The following GAB3 variants were observed in gnomAD, a reference collection of about 807,000 sequenced individuals.
GAB3 encodes the protein GRB2 associated binding protein 3.
Under a neutral mutation model 40.4 loss-of-function variants are expected in GAB3, and 12 were observed. The ratio of observed to expected loss-of-function variants is 0.30; its 90% confidence interval spans 0.19 to 0.48. The LOEUF (loss-of-function observed/expected upper bound fraction) is 0.48, where lower values mean the gene tolerates loss of function less well. Among genes scored for constraint, GAB3 ranks in the 20% least tolerant of loss-of-function variants. GAB3 has a pLI of 0.99. For synonymous variants in GAB3, 154 were observed against 176.7 expected (o/e 0.87, Z 1.02); for missense variants, 381 against 461.9 (o/e 0.82, Z 1.61).
chrX:154,733,982 T>A (rs1392179374), intron 1 of GAB3, among the ~76,000 whole-genome samples: 1 of 112,462 alleles, frequency 8.9e-6, no homozygotes, highest in African/African-American at 3.2e-5. Flanking sequence ...TTGAAGAGTG[T>A]ACCTTTTTTT....
chrX:154,744,200 G>A (rs1172466224), intron 1 of GAB3, among the ~76,000 whole-genome samples: 3 of 71,991 alleles, frequency 4.2e-5, no homozygotes, highest in African/African-American at 1.9e-4. Flanking sequence ...GTGACAGAGT[G>A]AGATTCCATC....
chrX:154,751,294 GTGT>G (rs782722830), upstream of GAB3, among the ~76,000 whole-genome samples: 50 of 70,905 alleles, frequency 7.1e-4, no homozygotes, highest in South Asian at 1.2e-3. Flanking sequence ...CGGGGGGGGG[GTGT>G]GGGGGGGGGA....
chrX:154,742,024 A>G (rs1220962507), intron 1 of GAB3, among the ~76,000 whole-genome samples: 3 of 112,152 alleles, frequency 2.7e-5, no homozygotes, highest in African/African-American at 9.7e-5. Flanking sequence ...GCCAAACCAT[A>G]TCTCGTGGGT....
At chrX:154,678,352 G>A in intron 9 of GAB3, 58 bp from the exon 10 acceptor site, 1 of 623,872 alleles carries the variant, frequency 1.6e-6, no homozygotes, top group Non-Finnish European at 2.6e-6. Flanking sequence ...TCAGGAAAAT[G>A]TTTACCCTTT....
chrX:154,678,327 A>G, intron 9 of GAB3, 33 bp from the exon 10 acceptor site: 1 of 719,180 alleles, frequency 1.4e-6, no homozygotes, highest in East Asian at 3.2e-5. Context: ...TTTTCATTAC[A>G]TCTAACTTAA....
chrX:154,697,090 G>T lies in GAB3; in HGVS notation c.1427+42C>A, dbSNP rs782423851. 6.7e-6 allele frequency: 7 copies of T among 1,050,129 alleles called. No individual in the cohort carries two copies. In the South Asian group the frequency reaches 1.1e-4, roughly 17 times the overall value. The allele number at this position is 1,050,129 out of a possible 1,213,427, so 86.5% of individuals were successfully genotyped here. On this transcript the variant is annotated intron_variant, in intron 7 of 9. Coordinates refer to ENST00000424127, the MANE Select transcript of GAB3 (RefSeq NM_001081573.3). ...AATCAGAGGCCTAACACACACCGGG[G>T]TGTCTGTGCTGGATGAGGCTCTTTT...
At chrX:154,719,966 A>G (rs2071103174) in intron 1 of GAB3, among the ~76,000 whole-genome samples, 1 of 112,415 alleles carries the variant, frequency 8.9e-6, no homozygotes, top group African/African-American at 3.2e-5. Context: ...TGCTTTCATA[A>G]ATAGTCATAT....
intron 8 of GAB3, among the ~76,000 whole-genome samples, chrX:154,686,713 C>A (rs1557247849): frequency 1.8e-5 from 2 of 109,048 alleles, no homozygotes; most frequent in African/African-American, 6.7e-5. Context: ...ATTACAGGTG[C>A]GAGCCACTGA....
intron 1 of GAB3, among the ~76,000 whole-genome samples, chrX:154,747,156 C>T (rs781938084): frequency 8.9e-6 from 1 of 111,961 alleles, no homozygotes; most frequent in East Asian, 2.8e-4. Context: ...CAGGTGCCCA[C>T]CACCATGCCT....
chrX:154,685,314 G>T (rs781958746), intron 8 of GAB3, among the ~76,000 whole-genome samples: 7 of 111,041 alleles, frequency 6.3e-5, no homozygotes, highest in Non-Finnish European at 1.3e-4. Context: ...GGGGGTTGCT[G>T]TTTCTCAATA....
intron 4 of GAB3, among the ~76,000 whole-genome samples, chrX:154,707,964 A>T (rs1173196325): frequency 8.9e-6 from 1 of 112,153 alleles, no homozygotes; most frequent in Non-Finnish European, 1.9e-5. Flanking sequence ...TACACTAAAA[A>T]CTATAAAACA....
chrX:154,690,314 C>T (rs1186302560), intron 8 of GAB3, among the ~76,000 whole-genome samples: 1 of 112,079 alleles, frequency 8.9e-6, no homozygotes, highest in Non-Finnish European at 1.9e-5. Flanking sequence ...CATAAAAGCC[C>T]TAGAAGAAAA....
At chrX:154,680,328 A>T in intron 8 of GAB3, 80 bp from the exon 9 acceptor site, 1 of 626,646 alleles carries the variant, frequency 1.6e-6, no homozygotes, top group South Asian at 2.7e-5. Flanking sequence ...TTGTGGCTTC[A>T]CCCAAGCAGC....
chrX:154,743,124 T>G (rs2071470599), intron 1 of GAB3, among the ~76,000 whole-genome samples: 1 of 109,829 alleles, frequency 9.1e-6, no homozygotes, highest in Non-Finnish European at 1.9e-5. Flanking sequence ...TAATATTGGA[T>G]CAAGCTAAAT....
chrX:154,746,052 CAAAAAA>C (rs201582710), intron 1 of GAB3, among the ~76,000 whole-genome samples: 1 of 31,543 alleles, frequency 3.2e-5, no homozygotes, highest in Non-Finnish European at 6.1e-5. Flanking sequence ...AACTCCATCT[CAAAAAA>C]AAAAAAAAAA....
intron 1 of GAB3, among the ~76,000 whole-genome samples, chrX:154,737,743 C>T (rs782355446): frequency 8.9e-6 from 1 of 112,148 alleles, no homozygotes; most frequent in African/African-American, 3.2e-5. Flanking sequence ...CAGTGTAATC[C>T]CAGCACTTTG....
intron 8 of GAB3, among the ~76,000 whole-genome samples, chrX:154,693,136 C>T (rs1569557253): frequency 9.0e-6 from 1 of 111,283 alleles, no homozygotes; most frequent in Non-Finnish European, 1.9e-5. Context: ...TTGGATCCTA[C>T]AATATGGATG....
In GAB3 at chrX:154,736,879, G is replaced by T. The variant is rs995273910; in HGVS notation, c.72+14075C>A. On this transcript the variant is annotated intron_variant, in intron 1 of 9. Transcript: ENST00000424127. Reference sequence around the variant, plus strand: ...ACTTCAGGCCCTAAAGATGTAGTTAGCCCTTTGGAAAATTGTTGACTTCGA... The same window carrying T: ...ACTTCAGGCCCTAAAGATGTAGTTATCCCTTTGGAAAATTGTTGACTTCGA... Among the ~76,000 whole-genome samples, 6 of 112,325 alleles carry T rather than the reference G, an allele frequency of 5.3e-5. No individual in the cohort carries two copies. The South Asian group carries it at 2.2e-3, about 41-fold the overall frequency.
intron 1 of GAB3, among the ~76,000 whole-genome samples, chrX:154,742,997 TATATATATATATGTACACAC>T (rs1301136703): frequency 9.5e-6 from 1 of 104,912 alleles, no homozygotes; most frequent in Non-Finnish European, 1.9e-5. Flanking sequence ...TATATATATA[TATATATATATATGTACACAC>T]ACATACACAC....
Sources: gnomAD v4.1 joint callset for allele counts (sites outside exome capture counted in the v4.1 genomes callset) on GRCh38, gnomAD v4.1.1 for gene constraint, MANE v1.5 for transcripts, NCBI Gene and HGNC (gene_info 2026-07-23, HGNC 2026-07-21) for gene names.